Variants in STOX2 observed in about 807,000 individuals in gnomAD.
STOX2 encodes storkhead box 2, also known as storkhead-box protein 2.
STOX2 carries 28 observed loss-of-function variants against 60.9 expected under a neutral mutation model. The observed-to-expected ratio is 0.46, with a 90% CI of 0.34 to 0.63. STOX2 has a LOEUF of 0.63. Ranked by LOEUF, STOX2 falls within the 30% of genes least tolerant of loss-of-function variation. STOX2 has a pLI of 0.01. For missense variants in STOX2, 1,024 were observed against 1,187.7 expected (o/e 0.86, Z 2.03); for synonymous variants, 472 against 463.9 (o/e 1.02, Z -0.22).
At chr4:183,996,085 TG>T (rs1258645320) in intron 1 of STOX2, among the ~76,000 whole-genome samples, 1 of 152,254 alleles carries the variant, frequency 6.6e-6, no homozygotes, top group African/African-American at 2.4e-5. Flanking sequence ...AATATTTTCA[TG>T]TCTTTTCACA....
chr4:184,013,215 C>T (rs894923453), intron 3 of STOX2, among the ~76,000 whole-genome samples: 9 of 152,312 alleles, frequency 5.9e-5, no homozygotes, highest in African/African-American at 2.2e-4. Flanking sequence ...GAAAACCTTC[C>T]ACTGCATAAT....
intron 1 of STOX2, among the ~76,000 whole-genome samples, chr4:183,874,916 T>C (rs1740779471): frequency 1.4e-5 from 1 of 73,242 alleles, no homozygotes; most frequent in East Asian, 5.7e-4. Context: ...ATGGCGAGAC[T>C]CCGCCTCAAA....
At chr4:183,922,622 A>G (rs940585530) in intron 1 of STOX2, among the ~76,000 whole-genome samples, 11 of 151,938 alleles carry the variant, frequency 7.2e-5, no homozygotes, top group African/African-American at 2.4e-4. Context: ...GGGATTACAG[A>G]TGTGAGCCAC....
intron 1 of STOX2, among the ~76,000 whole-genome samples, chr4:183,817,887 T>C (rs1739188099): frequency 6.6e-6 from 1 of 152,172 alleles, no homozygotes; most frequent in Non-Finnish European, 1.5e-5. Context: ...ATGTGCATCT[T>C]CAGGTATTAT....
intron 1 of STOX2, among the ~76,000 whole-genome samples, chr4:183,993,356 G>A (rs1346499579): frequency 6.6e-6 from 1 of 152,178 alleles, no homozygotes; most frequent in Non-Finnish European, 1.5e-5. Flanking sequence ...CAGCACAAAG[G>A]CCCGGGTGAC....
At chr4:183,815,553 T>C (rs1279339943) in intron 1 of STOX2, among the ~76,000 whole-genome samples, 2 of 152,134 alleles carry the variant, frequency 1.3e-5, no homozygotes. Flanking sequence ...GCCAGTGAGA[T>C]TGGCCTGTTT....
At chr4:183,960,678 C>T (rs963257605) in intron 1 of STOX2, among the ~76,000 whole-genome samples, 17 of 152,006 alleles carry the variant, frequency 1.1e-4, no homozygotes, top group African/African-American at 4.1e-4. Flanking sequence ...TTTTTAAAGC[C>T]TTTTATCTAT....
intron 1 of STOX2, among the ~76,000 whole-genome samples, chr4:183,804,470 G>A (rs1354273184): frequency 1.3e-5 from 2 of 152,364 alleles, no homozygotes; most frequent in South Asian, 2.1e-4. Flanking sequence ...AGAAGAAGGT[G>A]TGACTGCAGC....
intron 1 of STOX2, among the ~76,000 whole-genome samples, chr4:183,884,670 A>C (rs1221024674): frequency 6.6e-6 from 1 of 152,128 alleles, no homozygotes; most frequent in Non-Finnish European, 1.5e-5. Context: ...GTGTTGAATG[A>C]ATATCCCATC....
At chr4:183,802,240 C>CT (rs1391823148) in intron 1 of STOX2, among the ~76,000 whole-genome samples, 2 of 152,204 alleles carry the variant, frequency 1.3e-5, no homozygotes, top group Admixed American at 6.5e-5. Context: ...TATATCAGAA[C>CT]TTGTATTTTG....
chr4:183,910,772 G>A (rs1460350085), intron 1 of STOX2, among the ~76,000 whole-genome samples: 1 of 152,116 alleles, frequency 6.6e-6, no homozygotes, highest in African/African-American at 2.4e-5. Context: ...TGAAAAGAAA[G>A]ATAAAACAAA....
chr4:183,839,511 C>T (rs755390797), intron 1 of STOX2, among the ~76,000 whole-genome samples: 58 of 152,158 alleles, frequency 3.8e-4, no homozygotes, highest in Non-Finnish European at 2.6e-4. Context: ...GTGGCTCATC[C>T]GCTGTTCCTT....
intron 1 of STOX2, among the ~76,000 whole-genome samples, chr4:183,842,417 C>T (rs1404363912): frequency 6.6e-6 from 1 of 152,154 alleles, no homozygotes; most frequent in African/African-American, 2.4e-5. Context: ...CTGTTAATGG[C>T]TCATTAGTTA....
intron 1 of STOX2, among the ~76,000 whole-genome samples, chr4:183,897,332 T>C (rs1470080777): frequency 6.6e-6 from 1 of 152,242 alleles, no homozygotes; most frequent in Non-Finnish European, 1.5e-5. Flanking sequence ...TGTGAGAGCA[T>C]GCCTGGGTGC....
At chr4:183,926,941 C>T (rs1742259824) in intron 1 of STOX2, among the ~76,000 whole-genome samples, 1 of 152,140 alleles carries the variant, frequency 6.6e-6, no homozygotes, top group African/African-American at 2.4e-5. Context: ...GTTTTTTAAC[C>T]AGATCTGTAA....
intron 1 of STOX2, among the ~76,000 whole-genome samples, chr4:183,807,646 C>T (rs930255155): frequency 6.6e-6 from 1 of 152,212 alleles, no homozygotes; most frequent in Non-Finnish European, 1.5e-5. Flanking sequence ...GCTTCTTAAT[C>T]CTGCCTGCTT....
chr4:183,883,030 T>G lies in STOX2; in HGVS notation c.364+84975T>G, dbSNP rs1740991216. Among the ~76,000 whole-genome samples the G allele has an allele frequency of 2.0e-5, 3 of 152,268 alleles. 1 individual carries two copies. The South Asian group carries it at 6.2e-4, about 32-fold the overall frequency. ...TTGCTTTTTTTTTCTTTTTATCACG[T>G]ACAATTTCTAAAATACACAAAAGTA... is the stretch of plus-strand genomic sequence containing the variant. On this transcript the variant is annotated intron_variant, in intron 1 of 2. Transcript: ENST00000513034.
chr4:183,879,998 G>GT (rs370917270), intron 1 of STOX2, among the ~76,000 whole-genome samples: 6 of 151,944 alleles, frequency 3.9e-5, no homozygotes, highest in Non-Finnish European at 5.9e-5. Flanking sequence ...TCTTTTTTCT[G>GT]TTTTTTTAGA....
In STOX2 at chr4:183,905,707, T is replaced by C. The variant is rs984872922; in HGVS notation, c.-1084T>C. On this transcript the variant is annotated 5_prime_UTR_variant, in exon 1 of 4. It removes an upstream start codon present in the reference 5' UTR. Coordinates refer to ENST00000308497, the MANE Select transcript of STOX2 (RefSeq NM_020225.3). ...CGCCGCCGGGTGTTTTACATGAAAA[T>C]GAGAAGCCTGATGGGAACCGCGTTC... 2.0e-5 allele frequency: 3 copies of C among 152,308 alleles called. No individual in the cohort carries two copies. The highest frequency in any genetic ancestry group is 7.2e-5 in the African/African-American group (3 of 41,418). 9.4% of individuals were successfully genotyped at this position (152,308 alleles called of 1,614,324 possible). A position where few individuals can be genotyped will look rare whatever the true frequency, so the allele number is the denominator to read the frequency against.
Sources: gnomAD v4.1 joint callset for allele counts (sites outside exome capture counted in the v4.1 genomes callset) on GRCh38, gnomAD v4.1.1 for gene constraint, MANE v1.5 for transcripts, NCBI Gene and HGNC (gene_info 2026-07-23, HGNC 2026-07-21) for gene names.